The following CSMD1 variants were observed in gnomAD, a reference collection of about 807,000 sequenced individuals.
The protein encoded by CSMD1 is CUB and sushi domain-containing protein 1.
A neutral mutation model predicts 417.5 loss-of-function variants in CSMD1; 213 were observed. That is an observed-to-expected ratio of 0.51 (90% CI 0.46 to 0.57). CSMD1 has a LOEUF of 0.57. Among genes scored for constraint, CSMD1 ranks in the 20% least tolerant of loss-of-function variants. The pLI is 0.00. For synonymous variants in CSMD1, 2,862 were observed against 1,736.8 expected, an observed-to-expected ratio of 1.65 and a Z score of -16.11; for missense variants, 6,923 against 4,529.7, an observed-to-expected ratio of 1.53 and a Z score of -15.17.
intron 1 of CSMD1, among the ~76,000 whole-genome samples, chr8:4,924,046 C>G (rs1585338371): frequency 1.3e-5 from 2 of 152,292 alleles, no homozygotes; most frequent in South Asian, 4.1e-4. Flanking sequence ...TGCTTGAAGT[C>G]TCAATCACTG....
chr8:3,018,752 T>A, intron 51 of CSMD1, 102 bp from the exon 52 acceptor site: 1 of 1,084,046 alleles, frequency 9.2e-7, no homozygotes, highest in Non-Finnish European at 1.3e-6. Flanking sequence ...CAAAAAACTA[T>A]TTTTAGTCTT....
chr8:3,440,772 T>A (rs188347700), intron 12 of CSMD1, among the ~76,000 whole-genome samples: 1 of 152,140 alleles, frequency 6.6e-6, no homozygotes, highest in Non-Finnish European at 1.5e-5. Flanking sequence ...ATTCTAAGTG[T>A]TTTTTTGTTT....
At chr8:4,707,598 G>A (rs1563185913) in intron 1 of CSMD1, among the ~76,000 whole-genome samples, 1 of 151,960 alleles carries the variant, frequency 6.6e-6, no homozygotes, top group South Asian at 2.1e-4. Context: ...AACAAGAGAG[G>A]GGAAAGAGCC....
chr8:3,118,956 G>C (rs902482865), intron 41 of CSMD1, among the ~76,000 whole-genome samples: 1 of 152,176 alleles, frequency 6.6e-6, no homozygotes, highest in Admixed American at 6.6e-5. Flanking sequence ...CGAGGCGGGA[G>C]GATCACGAGG....
intron 33 of CSMD1, 39 bp downstream of exon 33, chr8:3,199,675 A>T: frequency 7.2e-7 from 1 of 1,381,662 alleles, no homozygotes; most frequent in East Asian, 2.5e-5. Context: ...ATCAGGAAAG[A>T]CCACAGTGAC....
At chr8:4,088,777 C>A (rs1428585755) in intron 3 of CSMD1, among the ~76,000 whole-genome samples, 1 of 152,116 alleles carries the variant, frequency 6.6e-6, no homozygotes, top group Admixed American at 6.6e-5. Flanking sequence ...GCCTCAGCTC[C>A]CACCCTCCCA....
intron 2 of CSMD1, among the ~76,000 whole-genome samples, chr8:4,519,796 G>C (rs1803334789): frequency 7.5e-6 from 1 of 132,962 alleles, no homozygotes; most frequent in African/African-American, 3.0e-5. Context: ...TTGCCTTTTG[G>C]AGCCAGGGAT....
At chr8:4,734,490 A>C (rs1214827618) in intron 1 of CSMD1, among the ~76,000 whole-genome samples, 1 of 152,190 alleles carries the variant, frequency 6.6e-6, no homozygotes. Flanking sequence ...AGAAGCTCTA[A>C]GATTTTTTTA....
intron 3 of CSMD1, among the ~76,000 whole-genome samples, chr8:4,047,850 T>C (rs1432640946): frequency 6.6e-6 from 1 of 152,108 alleles, no homozygotes; most frequent in Admixed American, 6.5e-5. Flanking sequence ...AAATATGAAG[T>C]AGAGGATCAG....
chr8:3,789,066 T>C (rs756223343), intron 5 of CSMD1, among the ~76,000 whole-genome samples: 1 of 152,210 alleles, frequency 6.6e-6, no homozygotes, highest in Non-Finnish European at 1.5e-5. Context: ...AAAATTCATA[T>C]GCTAAACCTA....
intron 5 of CSMD1, among the ~76,000 whole-genome samples, chr8:3,943,419 T>C (rs534867760): frequency 1.4e-5 from 1 of 69,470 alleles, no homozygotes; most frequent in African/African-American, 6.4e-5. Context: ...TGTTTTTTTT[T>C]CATTAAAAAA....
intron 1 of CSMD1, among the ~76,000 whole-genome samples, chr8:4,739,472 T>C (rs953658506): frequency 6.6e-6 from 1 of 152,222 alleles, no homozygotes; most frequent in Non-Finnish European, 1.5e-5. Flanking sequence ...CTAATTGAAT[T>C]TGTTGTAATG....
intron 10 of CSMD1, 49 bp from the exon 11 acceptor site, chr8:3,493,775 T>G: frequency 6.8e-7 from 1 of 1,473,114 alleles, no homozygotes; most frequent in Non-Finnish European, 9.3e-7. Context: ...GTACTTCCCA[T>G]GACTTTTAAT....
intron 3 of CSMD1, among the ~76,000 whole-genome samples, chr8:4,104,967 C>G (rs944662843): frequency 6.6e-6 from 1 of 150,920 alleles, no homozygotes; most frequent in Admixed American, 6.6e-5. Flanking sequence ...ACTGCCAATT[C>G]GATCATAATA....
At chr8:4,935,783 G>C (rs1002824708) in intron 1 of CSMD1, among the ~76,000 whole-genome samples, 1 of 152,200 alleles carries the variant, frequency 6.6e-6, no homozygotes, top group African/African-American at 2.4e-5. Context: ...GAAAGACGAG[G>C]AATACAAGAA....
At chr8:3,739,312 A>G (rs566526914) in intron 6 of CSMD1, among the ~76,000 whole-genome samples, 1 of 152,362 alleles carries the variant, frequency 6.6e-6, no homozygotes, top group South Asian at 2.1e-4. Flanking sequence ...ACAGCTAGAC[A>G]GGATGAATCT....
chr8:3,780,166 C>T (rs950939655), intron 5 of CSMD1, among the ~76,000 whole-genome samples: 2 of 152,172 alleles, frequency 1.3e-5, no homozygotes, highest in African/African-American at 4.8e-5. Context: ...ATGCACAAAT[C>T]CAATATGACA....
intron 26 of CSMD1, among the ~76,000 whole-genome samples, chr8:3,254,544 T>C (rs1016133054): frequency 6.6e-6 from 1 of 152,222 alleles, no homozygotes; most frequent in African/African-American, 2.4e-5. Flanking sequence ...TTTCACATAG[T>C]CCCATATTTC....
intron 4 of CSMD1, among the ~76,000 whole-genome samples, chr8:4,000,751 T>G (rs898184226): frequency 1.3e-5 from 2 of 151,970 alleles, no homozygotes; most frequent in African/African-American, 4.8e-5. Context: ...ATAATTTTAT[T>G]TAATATTTAG....
Sources: allele counts gnomAD v4.1 joint callset (sites outside exome capture counted in the v4.1 genomes callset), GRCh38; gene constraint gnomAD v4.1.1; transcripts MANE v1.5; gene names NCBI Gene and HGNC (gene_info 2026-07-23, HGNC 2026-07-21).